The following WDR70 variants were observed in gnomAD, a reference collection of about 807,000 sequenced individuals.
The protein encoded by WDR70 is WD repeat domain 70.
A neutral mutation model predicts 88.6 loss-of-function variants in WDR70; 53 were observed. That is an observed-to-expected ratio of 0.60 (90% CI 0.48 to 0.75). WDR70 has a LOEUF of 0.75. Among genes scored for constraint, WDR70 ranks in the 30% least tolerant of loss-of-function variants. The probability of loss-of-function intolerance (pLI) is 0.00; values close to 1 mark genes in which losing one functional copy is unlikely to be tolerated. For synonymous variants in WDR70, 280 were observed against 270.0 expected (o/e 1.04, Z -0.36); for missense variants, 610 against 823.2 (o/e 0.74, Z 3.17).
intron 9 of WDR70, among the ~76,000 whole-genome samples, chr5:37,565,081 A>G (rs1343702539): frequency 6.6e-6 from 1 of 152,194 alleles, no homozygotes; most frequent in Non-Finnish European, 1.5e-5. Context: ...GACATTTTAT[A>G]TAACAACAAA....
At chr5:37,405,705 C>G (rs1412857594) in intron 5 of WDR70, among the ~76,000 whole-genome samples, 1 of 151,928 alleles carries the variant, frequency 6.6e-6, no homozygotes, top group Non-Finnish European at 1.5e-5. Flanking sequence ...TAGAATAAGT[C>G]TTAAGTACTA....
intron 5 of WDR70, among the ~76,000 whole-genome samples, chr5:37,431,827 T>C (rs1323051830): frequency 6.6e-6 from 1 of 152,278 alleles, no homozygotes; most frequent in African/African-American, 2.4e-5. Context: ...TTCTAACTGA[T>C]GTATTTTACT....
At chr5:37,534,601 G>A (rs1325604487) in intron 9 of WDR70, among the ~76,000 whole-genome samples, 1 of 150,576 alleles carries the variant, frequency 6.6e-6, no homozygotes, top group Non-Finnish European at 1.5e-5. Flanking sequence ...GGGTTCAAGC[G>A]ATTATCCTGC....
intron 10 of WDR70, among the ~76,000 whole-genome samples, chr5:37,641,153 A>C (rs1745092110): frequency 6.6e-6 from 1 of 152,212 alleles, no homozygotes; most frequent in Non-Finnish European, 1.5e-5. Context: ...TCTGTCACCC[A>C]GGCTGGAGTG....
intron 9 of WDR70, among the ~76,000 whole-genome samples, chr5:37,574,323 G>A (rs771403210): frequency 4.6e-5 from 7 of 152,260 alleles, no homozygotes; most frequent in Non-Finnish European, 1.0e-4. Context: ...TCAGTTAACT[G>A]TACTCTTTAC....
intron 9 of WDR70, among the ~76,000 whole-genome samples, chr5:37,588,357 C>A (rs1743423841): frequency 1.3e-5 from 2 of 152,008 alleles, no homozygotes. Context: ...CATCTACACC[C>A]AAGGGTGTTA....
At chr5:37,512,757 CT>C (rs1314301803) in intron 8 of WDR70, among the ~76,000 whole-genome samples, 1 of 149,778 alleles carries the variant, frequency 6.7e-6, no homozygotes, top group African/African-American at 2.5e-5. Context: ...AATTTTTTTT[CT>C]TTTTTTTGTA....
At chr5:37,533,675 C>T (rs1426793687) in intron 9 of WDR70, among the ~76,000 whole-genome samples, 2 of 152,088 alleles carry the variant, frequency 1.3e-5, no homozygotes, top group South Asian at 2.1e-4. Context: ...GCATGGGGCT[C>T]GCTTTGGCTG....
intron 9 of WDR70, among the ~76,000 whole-genome samples, chr5:37,557,913 A>ATACTCTTC (rs1257387195): frequency 3.1e-5 from 4 of 130,948 alleles, no homozygotes; most frequent in Admixed American, 7.8e-5. Context: ...ACTCTTTTGA[A>ATACTCTTC]AACTCTTCAA....
At chr5:37,396,798 TC>T (rs1006618112) in intron 5 of WDR70, among the ~76,000 whole-genome samples, 1 of 151,688 alleles carries the variant, frequency 6.6e-6, no homozygotes, top group Non-Finnish European at 1.5e-5. Context: ...GCCACTGCAC[TC>T]CAGCCTGTAG....
At chr5:37,593,258 T>C (rs1328734370) in intron 9 of WDR70, among the ~76,000 whole-genome samples, 2 of 152,190 alleles carry the variant, frequency 1.3e-5, no homozygotes, top group Non-Finnish European at 2.9e-5. Context: ...TCTGCACCCA[T>C]GAACACGTCA....
chr5:37,563,810 G>A (rs1742637048), intron 9 of WDR70, among the ~76,000 whole-genome samples: 4 of 127,030 alleles, frequency 3.1e-5, no homozygotes, highest in Admixed American at 2.4e-4. Flanking sequence ...CTTCTCAGAC[G>A]GTGTGGCTGC....
chr5:37,744,246 A>G (rs2112737531), intron 17 of WDR70, among the ~76,000 whole-genome samples: 1 of 152,258 alleles, frequency 6.6e-6, no homozygotes, highest in South Asian at 2.1e-4. Flanking sequence ...ACAACAACAA[A>G]AAGGCCCCAC....
At chr5:37,734,887 T>G (rs985730108) in intron 17 of WDR70, among the ~76,000 whole-genome samples, 4 of 152,210 alleles carry the variant, frequency 2.6e-5, no homozygotes, top group Admixed American at 2.6e-4. Context: ...CGAGCCATCC[T>G]GGCATCTTTG....
chr5:37,642,033 G>A (rs1745117175), intron 10 of WDR70, among the ~76,000 whole-genome samples: 1 of 152,166 alleles, frequency 6.6e-6, no homozygotes, highest in South Asian at 2.1e-4. Flanking sequence ...AATTTTGAAA[G>A]GATGATTGCT....
At chr5:37,514,404 GT>G (rs2112251886) in intron 8 of WDR70, among the ~76,000 whole-genome samples, 1 of 66,550 alleles carries the variant, frequency 1.5e-5, no homozygotes, top group South Asian at 5.2e-4. Context: ...TAACTTTTAA[GT>G]TCTAGGGTGC....
At chr5:37,675,986 C>T (rs1746192841) in intron 10 of WDR70, among the ~76,000 whole-genome samples, 1 of 151,168 alleles carries the variant, frequency 6.6e-6, no homozygotes, top group African/African-American at 2.4e-5. Context: ...ATTTTATTCT[C>T]TTTGAAGCAA....
chr5:37,581,322 T>G (rs1743211535), intron 9 of WDR70, among the ~76,000 whole-genome samples: 1 of 152,202 alleles, frequency 6.6e-6, no homozygotes. Context: ...AGAGACTGTA[T>G]TAAGTGCTTT....
At chr5:37,449,448 C>T (rs1244281598) in intron 7 of WDR70, among the ~76,000 whole-genome samples, 9 of 151,874 alleles carry the variant, frequency 5.9e-5, no homozygotes, top group Non-Finnish European at 1.2e-4. Context: ...AAAAATTAGC[C>T]GGGCATGTTG....
Sources: gnomAD v4.1 joint callset for allele counts (sites outside exome capture counted in the v4.1 genomes callset) on GRCh38, gnomAD v4.1.1 for gene constraint, MANE v1.5 for transcripts, NCBI Gene and HGNC (gene_info 2026-07-23, HGNC 2026-07-21) for gene names.